QRICH2: variants seen among roughly 807,000 people sequenced by gnomAD.
QRICH2 encodes glutamine-rich protein 2.
QRICH2 carries 119 observed loss-of-function variants against 168.3 expected under a neutral mutation model. That is an observed-to-expected ratio of 0.71 (90% CI 0.61 to 0.82). The LOEUF (loss-of-function observed/expected upper bound fraction) is 0.82. Among genes scored for constraint, QRICH2 ranks in the 40% least tolerant of loss-of-function variants. The pLI is 0.00. For missense variants in QRICH2, 2,241 were observed against 2,491.6 expected (o/e 0.90, Z 2.14); for synonymous variants, 894 against 951.2 (o/e 0.94, Z 1.11).
At chr17:76,298,608 A>G (rs1248295860) in intron 3 of QRICH2, among the ~76,000 whole-genome samples, 1 of 151,476 alleles carries the variant, frequency 6.6e-6, no homozygotes, top group Non-Finnish European at 1.5e-5. Context: ...GTGAGCAACC[A>G]TGTCTGACCT....
chr17:76,274,815 A>G (rs574727819), intron 18 of QRICH2, among the ~76,000 whole-genome samples: 1 of 152,260 alleles, frequency 6.6e-6, no homozygotes, highest in South Asian at 2.1e-4. Flanking sequence ...TGTGACCTAG[A>G]GCAAGGACCT....
upstream of QRICH2, among the ~76,000 whole-genome samples, chr17:76,308,907 G>T (rs946356195): frequency 6.6e-6 from 1 of 150,690 alleles, no homozygotes; most frequent in Non-Finnish European, 1.5e-5. Context: ...TACCATGCCC[G>T]GCTAATTTTT....
In QRICH2 at chr17:76,274,129, C is replaced by A; in HGVS notation, c.5614G>T (p.Glu1872Ter). The A allele has an allele frequency of 6.3e-7, 1 of 1,590,362 alleles. No individual in the cohort carries two copies. Among genetic ancestry groups the A allele is most frequent in the Non-Finnish European group, 8.5e-7 (1 of 1,171,566 alleles). The change falls in exon 19 of 19, where the codon GAG (glutamate) becomes TAG (stop). Residue 1872 changes from glutamate (E) to a stop codon, truncating the protein, a stop_gained. Coordinates refer to ENST00000680821, the MANE Select transcript of QRICH2 (RefSeq NM_001388453.1). LOFTEE classifies it high-confidence loss of function. ...LERHVDMPPG[E>*]GLEEPTRGPR... is the part of the protein sequence containing the mutation. ...CCCCGCGTGGGCTCCTCGAGCCCCT[C>A]CCCAGGAGGCATGTCCACGTGCCTC... is the stretch of plus-strand genomic sequence containing the variant.
At position 76,301,053 on chromosome 17, in the gene QRICH2, CAAA is replaced by C. The variant is rs774675569; in HGVS notation, c.705+3359_705+3361del. On this transcript the variant is annotated intron_variant, in intron 3 of 18. Transcript: ENST00000680821. ...TGGGCAACAGAGCAAGACTCTGTCT[CAAA>C]AATGCAAAATATTAGTCAGGTGTGG... is the stretch of plus-strand genomic sequence containing the variant. Among the ~76,000 whole-genome samples the C allele has an allele frequency of 3.5e-3, 532 of 151,032 alleles. 3 individuals are homozygous for C. Among genetic ancestry groups the C allele is most frequent in the Non-Finnish European group, 6.0e-3 (404 of 67,766 alleles).
rs138482061 is a variant in QRICH2, at chr17:76,304,860, C to T, written c.594+22G>A. On this transcript the variant is annotated intron_variant, in intron 2 of 18. Transcript: ENST00000680821. ...GGCCAGCCCCCTGGAGAGCCCTTTC[C>T]CATGGAACTGGCTGGTATTACCAGG... is the stretch of plus-strand genomic sequence containing the variant. 1.1e-3 allele frequency: 1,762 copies of T among 1,582,412 alleles called. 10 individuals carry two copies. In the African/African-American group the frequency reaches 0.017, roughly 15 times the overall value.
At chr17:76,296,360 T>C (rs928650214) in intron 3 of QRICH2, among the ~76,000 whole-genome samples, 5 of 152,190 alleles carry the variant, frequency 3.3e-5, no homozygotes, top group African/African-American at 4.8e-5. Flanking sequence ...CTTGCTGCCT[T>C]GCTGGAGTTT....
In QRICH2 at chr17:76,306,886, CA is replaced by C. The variant is rs201292145; in HGVS notation, c.534+578del. Reference sequence around the variant, plus strand: ...TGGGTGATAGAGTGAGACTCCTTCTCAAAAAAAAAAAAAGTCCAAGTGAAAC... The same window carrying C: ...TGGGTGATAGAGTGAGACTCCTTCTCAAAAAAAAAAAAGTCCAAGTGAAAC... On this transcript the variant is annotated intron_variant, in intron 1 of 18. Coordinates refer to ENST00000680821, the MANE Select transcript of QRICH2 (RefSeq NM_001388453.1). Among the ~76,000 whole-genome samples, 180 of 137,254 alleles carry C rather than the reference CA, an allele frequency of 1.3e-3. 1 individual carries two copies. The highest frequency in any genetic ancestry group is 3.7e-3 in the South Asian group (16 of 4,304). 90.0% of individuals were successfully genotyped at this position (137,254 alleles called of 152,430 possible). A position where few individuals can be genotyped will look rare whatever the true frequency, so the allele number is the denominator to read the frequency against.
chr17:76,277,765 TAC>T (rs931164565), intron 15 of QRICH2, among the ~76,000 whole-genome samples: 5 of 151,370 alleles, frequency 3.3e-5, no homozygotes, highest in East Asian at 3.9e-4. Context: ...CACGCACTCA[TAC>T]ACACACACCC....
intron 17 of QRICH2, 65 bp downstream of exon 17, chr17:76,276,615 C>A: frequency 7.9e-7 from 1 of 1,261,648 alleles, no homozygotes; most frequent in Non-Finnish European, 1.1e-6. Flanking sequence ...GTGCCAGGCC[C>A]CACAATGGAT....
chr17:76,297,876 T>TG (rs1248190379), intron 3 of QRICH2, among the ~76,000 whole-genome samples: 1 of 62,992 alleles, frequency 1.6e-5, no homozygotes, highest in Non-Finnish European at 2.5e-5. Context: ...ATCTGTTTTT[T>TG]TTTTTTTTTT....
Position 76,292,271 on chromosome 17 carries a change from C to G in QRICH2, c.2456G>C (p.Arg819Pro), listed in dbSNP as rs201256631. 1.9e-4 allele frequency: 300 copies of G among 1,601,020 alleles called. 2 individuals carry two copies. In the East Asian group the frequency reaches 6.7e-3, roughly 36 times the overall value. Residue 819 changes from arginine to proline, a missense_variant, in exon 4 of 19, where the codon CGT becomes CCT. This residue lies in a region of QRICH2 where 2,047 missense variants were observed against 2,303.8 expected (regional missense o/e 0.89). Transcript: ENST00000680821. The part of the protein sequence containing the change: ...RGLVQPGAVQ[R>P]GLVQPGVDQR... ...ATCCACTCCAGGTTGGACCAAACCA[C>G]GCTGAACTGCACCAGGTTGCACCAA... is the stretch of plus-strand genomic sequence containing the variant.
chr17:76,287,380 C>A lies in QRICH2; in HGVS notation c.3897-74G>T, dbSNP rs1008269578. ...CATGCAGAGCCTGGGCCATCAGGGA[C>A]GCAGGGGGATGCAGACACAGCTGGA... is the stretch of plus-strand genomic sequence containing the variant. On this transcript the variant is annotated intron_variant, in intron 6 of 18. Transcript: ENST00000680821. 2.8e-6 allele frequency: 3 copies of A among 1,053,710 alleles called. No homozygotes were observed. The East Asian group carries it at 7.4e-5, about 26-fold the overall frequency. 65.3% of individuals were successfully genotyped at this position (1,053,710 alleles called of 1,614,324 possible). A position where few individuals can be genotyped will look rare whatever the true frequency, so the allele number is the denominator to read the frequency against.
intron 3 of QRICH2, among the ~76,000 whole-genome samples, chr17:76,297,558 C>T (rs563561178): frequency 1.3e-5 from 2 of 152,108 alleles, no homozygotes; most frequent in African/African-American, 2.4e-5. Flanking sequence ...GGAAAAGTCA[C>T]AATGGCTGGC....
At position 76,293,202 on chromosome 17, in the gene QRICH2, C is replaced by G; in HGVS notation, c.1525G>C (p.Gly509Arg). The G allele has an allele frequency of 6.2e-7, 1 of 1,614,122 alleles. No homozygotes were observed. Among genetic ancestry groups the G allele is most frequent in the African/African-American group, 1.3e-5 (1 of 75,044 alleles). Residue 509 changes from glycine to arginine, a missense_variant, in exon 4 of 19, where the codon GGT becomes CGT. Gly to Arg is a moderately radical substitution (Grantham distance 125). This residue lies in a region of QRICH2 where 2,047 missense variants were observed against 2,303.8 expected (regional missense o/e 0.89). Transcript: ENST00000680821. ...AATGTCAATCCTTGCTGGTCTATAC[C>G]AGGGGGTACTAGTCCTTGCTGACCC... ...GMGQQGLVPP[G>R]IDQQGLTLPV...
chr17:76,280,879 G>A lies in QRICH2; in HGVS notation c.4338C>T (p.Thr1446=), dbSNP rs2070776110. The change falls in exon 9 of 19, where the codon ACC becomes ACT. Residue 1446 remains threonine, a synonymous_variant. Coordinates refer to ENST00000680821, the MANE Select transcript of QRICH2 (RefSeq NM_001388453.1). This position sits in a 1 kb window ranked among gnomAD's most constrained non-coding sequence, Gnocchi z 7.4. ...GATGGTCCTCGATGAGGTTGCTGGT[G>A]GTGATGTTGAGCTTCTCGCAGTCAC... ...VQGDCEKLNI[T]TSNLIEDHRQ... 1 of 1,613,656 alleles carries A rather than the reference G, an allele frequency of 6.2e-7. No individual in the cohort carries two copies. Among genetic ancestry groups the A allele is most frequent in the Non-Finnish European group, 8.5e-7 (1 of 1,180,020 alleles).
chr17:76,306,608 G>A (rs1478190732), intron 1 of QRICH2, among the ~76,000 whole-genome samples: 1 of 152,214 alleles, frequency 6.6e-6, no homozygotes. Flanking sequence ...GTTGAAGGCA[G>A]GGCTCAGTGG....
chr17:76,279,354 G>A lies in QRICH2; in HGVS notation c.4814+9C>T, dbSNP rs1430999621. The A allele has an allele frequency of 6.2e-7, 1 of 1,610,706 alleles. No individual in the cohort carries two copies. Among genetic ancestry groups the A allele is most frequent in the Non-Finnish European group, 8.5e-7 (1 of 1,178,286 alleles). On this transcript the variant is annotated intron_variant, in intron 13 of 18. Coordinates refer to ENST00000680821, the MANE Select transcript of QRICH2 (RefSeq NM_001388453.1). The stretch of plus-strand genomic sequence containing the variant: ...TGCGAGGCCACGTGCCGGCGGTGTG[G>A]GCACTCACTGTCCAGTCACAGGTGT...
At position 76,280,172 on chromosome 17, in the gene QRICH2, G is replaced by T; in HGVS notation, c.4627-18C>A. Reference sequence around the variant, plus strand: ...CGGTCCAGCTGTGGCGGGGAAAGAGGGGCCAGGGGACCTCTAAGGAAGCAG... The same window carrying T: ...CGGTCCAGCTGTGGCGGGGAAAGAGTGGCCAGGGGACCTCTAAGGAAGCAG... On this transcript the variant is annotated intron_variant, in intron 11 of 18. Coordinates refer to ENST00000680821, the MANE Select transcript of QRICH2 (RefSeq NM_001388453.1). The surrounding 1 kb of genome is among the most constrained non-coding windows in gnomAD (Gnocchi z 7.4). 6.2e-7 allele frequency: 1 copy of T among 1,611,766 alleles called. No individual in the cohort carries two copies. The highest frequency in any genetic ancestry group is 8.5e-7 in the Non-Finnish European group (1 of 1,178,744).
rs1480419090 is a variant in QRICH2, at chr17:76,292,020, G to A, written c.2707C>T (p.Gln903Ter). The A allele has an allele frequency of 9.3e-6, 15 of 1,614,106 alleles. No homozygotes were observed. The Admixed American group carries it at 2.2e-4, about 23-fold the overall frequency. The stretch of plus-strand genomic sequence containing the variant: ...ATACCCAGCTGACCTGCACCAGGCT[G>A]GACCAAACCAGGCTGATCTGCACCA... ...QPGADQPGLV[Q>*]PGAGQLGMVQ... Residue 903 changes from glutamine to a stop codon, truncating the protein, a stop_gained, in exon 4 of 19, where the codon CAG becomes TAG. Coordinates refer to ENST00000680821, the MANE Select transcript of QRICH2 (RefSeq NM_001388453.1). LOFTEE classifies it high-confidence loss of function.
Sources: gnomAD v4.1 joint callset for allele counts (sites outside exome capture counted in the v4.1 genomes callset) on GRCh38, gnomAD v4.1.1 for gene constraint, gnomAD v4.1.1 regional missense constraint, Gnocchi (gnomAD v3.1) non-coding constraint, MANE v1.5 for transcripts, NCBI Gene and HGNC (gene_info 2026-07-23, HGNC 2026-07-21) for gene names.